ZNF804B: variants seen among roughly 807,000 people sequenced by gnomAD.
ZNF804B encodes the protein zinc finger 804B.
Under a neutral mutation model 101.4 loss-of-function variants are expected in ZNF804B, and 80 were observed. The observed-to-expected ratio is 0.79, with a 90% confidence interval of 0.66 to 0.95. The LOEUF (loss-of-function observed/expected upper bound fraction) is 0.95. Ranked by LOEUF, ZNF804B falls within the 40% of genes least tolerant of loss-of-function variation. The pLI is 0.00. For synonymous variants in ZNF804B, 622 were observed against 558.8 expected (o/e 1.11, Z -1.59); for missense variants, 1,673 against 1,561.9 (o/e 1.07, Z -1.20).
chr7:89,315,489 T>C (rs1414919370), intron 2 of ZNF804B, among the ~76,000 whole-genome samples: 1 of 152,180 alleles, frequency 6.6e-6, no homozygotes, highest in Non-Finnish European at 1.5e-5. Flanking sequence ...TTAGTAAGCT[T>C]TTCTTTTTAA....
chr7:88,772,801 T>C (rs1357940067), intron 1 of ZNF804B, among the ~76,000 whole-genome samples: 2 of 152,172 alleles, frequency 1.3e-5, no homozygotes, highest in Admixed American at 6.6e-5. Context: ...CAGGTGGTGG[T>C]TGCTTTATTT....
chr7:88,987,770 T>C (rs1451855419), intron 1 of ZNF804B, among the ~76,000 whole-genome samples: 2 of 152,038 alleles, frequency 1.3e-5, no homozygotes, highest in African/African-American at 4.8e-5. Context: ...ACATTCCAAG[T>C]CTTCTCTTCT....
intron 1 of ZNF804B, among the ~76,000 whole-genome samples, chr7:88,958,816 G>C (rs1793350704): frequency 6.6e-6 from 1 of 151,436 alleles, no homozygotes. Context: ...ACTAATGATA[G>C]TGTTGGGAGG....
intron 1 of ZNF804B, among the ~76,000 whole-genome samples, chr7:89,018,297 G>A (rs528448444): frequency 1.8e-4 from 28 of 152,020 alleles, no homozygotes; most frequent in Admixed American, 5.9e-4. Context: ...TTATTCTGTT[G>A]ATGTGATGTA....
intron 1 of ZNF804B, among the ~76,000 whole-genome samples, chr7:89,114,006 A>AC (rs1310312218): frequency 6.6e-6 from 1 of 152,188 alleles, no homozygotes; most frequent in East Asian, 1.9e-4. Context: ...TTAAGCTTAA[A>AC]CTGGACAAGA....
intron 1 of ZNF804B, among the ~76,000 whole-genome samples, chr7:88,872,618 C>G (rs1030449719): frequency 6.6e-6 from 1 of 151,952 alleles, no homozygotes; most frequent in African/African-American, 2.4e-5. Flanking sequence ...ATCCCTCCCC[C>G]CTGCCCCCAC....
At position 89,181,673 on chromosome 7, in the gene ZNF804B, A is replaced by T. The variant is rs187989661; in HGVS notation, c.109-36482A>T. 4.5e-3 allele frequency among the ~76,000 whole-genome samples: 681 copies of T among 152,286 alleles called. 6 individuals carry two copies. Among genetic ancestry groups the T allele is most frequent in the African/African-American group, 0.016 (645 of 41,548 alleles). ...ACTGTGATTGCTCACCTTGTTTTCA[A>T]TTCTTATGAAGTTATTTTTTGTGAG... On this transcript the variant is annotated intron_variant, in intron 1 of 3. Coordinates refer to ENST00000333190, the MANE Select transcript of ZNF804B (RefSeq NM_181646.5).
chr7:89,169,517 G>T (rs925804051), intron 1 of ZNF804B, among the ~76,000 whole-genome samples: 1 of 152,112 alleles, frequency 6.6e-6, no homozygotes, highest in Non-Finnish European at 1.5e-5. Context: ...ACCTTCCCCA[G>T]CTAGGCTTAG....
chr7:88,808,910 A>C (rs1037746043), intron 1 of ZNF804B, among the ~76,000 whole-genome samples: 9 of 152,154 alleles, frequency 5.9e-5, no homozygotes, highest in Non-Finnish European at 1.0e-4. Flanking sequence ...ACACTGACAA[A>C]ATAGTCAGCA....
chr7:89,215,622 G>A (rs1383594574), intron 1 of ZNF804B, among the ~76,000 whole-genome samples: 1 of 151,960 alleles, frequency 6.6e-6, no homozygotes, highest in Non-Finnish European at 1.5e-5. Context: ...GGTGGCTCGC[G>A]CCTGTAATCC....
At chr7:89,224,712 ATGTGTGTGTGTGTGTGTG>A (rs56064065) in intron 2 of ZNF804B, among the ~76,000 whole-genome samples, 2 of 144,070 alleles carry the variant, frequency 1.4e-5, no homozygotes, top group African/African-American at 2.6e-5. Context: ...CTGGCAAAGT[ATGTGTGTGTGTGTGTGTG>A]TGTGTGTGTG....
chr7:88,879,013 G>A (rs1369211824), intron 1 of ZNF804B, among the ~76,000 whole-genome samples: 1 of 152,126 alleles, frequency 6.6e-6, no homozygotes, highest in Non-Finnish European at 1.5e-5. Flanking sequence ...GGCAATATTA[G>A]GTTCACGATG....
intron 1 of ZNF804B, among the ~76,000 whole-genome samples, chr7:88,972,985 T>G (rs1793559348): frequency 6.6e-6 from 1 of 151,358 alleles, no homozygotes. Flanking sequence ...TTCTAAGAGG[T>G]AAATATCCAT....
chr7:88,862,608 G>A (rs1447052149), intron 1 of ZNF804B, among the ~76,000 whole-genome samples: 2 of 152,110 alleles, frequency 1.3e-5, no homozygotes, highest in Non-Finnish European at 2.9e-5. Context: ...AACATTACTT[G>A]TATTTTTATG....
intron 1 of ZNF804B, among the ~76,000 whole-genome samples, chr7:88,777,221 A>G (rs1464450407): frequency 2.6e-5 from 4 of 152,314 alleles, no homozygotes; most frequent in Admixed American, 6.5e-5. Context: ...TGATGCTGGT[A>G]TTGCAGAGAG....
rs796927382 is a variant in ZNF804B, at chr7:89,031,661, G to T, written c.109-186494G>T. Among the ~76,000 whole-genome samples, 189 of 143,556 alleles carry T rather than the reference G, an allele frequency of 1.3e-3. 1 individual carries two copies. The highest frequency in any genetic ancestry group is 4.7e-3 in the Admixed American group (68 of 14,336). The allele number at this position is 143,556 out of a possible 152,430, so 94.2% of individuals were successfully genotyped here. A position where few individuals can be genotyped will look rare whatever the true frequency, so the allele number is the denominator to read the frequency against. On this transcript the variant is annotated intron_variant, in intron 1 of 3. Coordinates refer to ENST00000333190, the MANE Select transcript of ZNF804B (RefSeq NM_181646.5). ...TATTTTCTTTAGGCTTCTGGTTTTT[G>T]TTTTTTTTTTTTTCCCAAATGTACA...
At chr7:89,226,998 T>C (rs1195820203) in intron 2 of ZNF804B, among the ~76,000 whole-genome samples, 1 of 152,188 alleles carries the variant, frequency 6.6e-6, no homozygotes, top group Non-Finnish European at 1.5e-5. Context: ...GTCTTTCTGC[T>C]CCAATCCTGA....
At chr7:88,902,416 G>A (rs2115955799) in intron 1 of ZNF804B, among the ~76,000 whole-genome samples, 1 of 151,964 alleles carries the variant, frequency 6.6e-6, no homozygotes, top group African/African-American at 2.4e-5. Flanking sequence ...AATTATTTAA[G>A]CACAATAAAA....
chr7:89,246,610 G>A (rs1350313454), intron 2 of ZNF804B, among the ~76,000 whole-genome samples: 4 of 151,842 alleles, frequency 2.6e-5, no homozygotes, highest in Admixed American at 2.6e-4. Flanking sequence ...TTGAGCACCT[G>A]CTCACTTGGT....
Sources: gnomAD v4.1 joint callset for allele counts (sites outside exome capture counted in the v4.1 genomes callset) on GRCh38, gnomAD v4.1.1 for gene constraint, MANE v1.5 for transcripts, NCBI Gene and HGNC (gene_info 2026-07-23, HGNC 2026-07-21) for gene names.